Variants in AMOTL1 observed in about 807,000 individuals in gnomAD.
The protein encoded by AMOTL1 is angiomotin like 1.
In AMOTL1, 45 loss-of-function variants were observed where a neutral mutation model predicts 102.9. That is an observed-to-expected ratio of 0.44 (90% CI 0.34 to 0.56). AMOTL1 has a LOEUF of 0.56. Ranked by LOEUF, AMOTL1 falls within the 20% of genes least tolerant of loss-of-function variation. The probability of loss-of-function intolerance (pLI) is 0.01; values close to 1 mark genes in which losing one functional copy is unlikely to be tolerated. For synonymous variants in AMOTL1, 481 were observed against 484.7 expected, an observed-to-expected ratio of 0.99 and a Z score of 0.10; for missense variants, 1,114 against 1,225.6, an observed-to-expected ratio of 0.91 and a Z score of 1.36.
At chr11:94,808,838 A>G (rs1391736155) in intron 3 of AMOTL1, among the ~76,000 whole-genome samples, 1 of 152,246 alleles carries the variant, frequency 6.6e-6, no homozygotes, top group Admixed American at 6.5e-5. Context: ...CTCATTTAGA[A>G]ACATTAAAAA....
intron 1 of AMOTL1, among the ~76,000 whole-genome samples, chr11:94,772,736 G>A (rs1950972423): frequency 6.6e-6 from 1 of 152,216 alleles, no homozygotes; most frequent in African/African-American, 2.4e-5. Context: ...CCATGATTGT[G>A]ATTGCTGGAT....
At chr11:94,840,259 G>C (rs1362463155) in intron 6 of AMOTL1, among the ~76,000 whole-genome samples, 2 of 152,304 alleles carry the variant, frequency 1.3e-5, no homozygotes, top group East Asian at 3.9e-4. Flanking sequence ...GTGAATTATA[G>C]TGAGAGCCTA....
intron 3 of AMOTL1, among the ~76,000 whole-genome samples, chr11:94,802,117 G>A (rs1951489622): frequency 6.6e-6 from 1 of 152,170 alleles, no homozygotes; most frequent in African/African-American, 2.4e-5. Flanking sequence ...ATAACCAACT[G>A]TGAGATCTTG....
At chr11:94,752,973 G>A (rs917713454) in intron 3 of AMOTL1, among the ~76,000 whole-genome samples, 4 of 152,272 alleles carry the variant, frequency 2.6e-5, no homozygotes, top group African/African-American at 9.6e-5. Context: ...TGCTCTTGTG[G>A]TTGGTCAGCC....
chr11:94,843,256 A>T (rs943707797), intron 6 of AMOTL1, among the ~76,000 whole-genome samples: 3 of 152,248 alleles, frequency 2.0e-5, no homozygotes, highest in Admixed American at 6.5e-5. Context: ...GTTGTTTTGC[A>T]TCAAATAAGC....
intron 4 of AMOTL1, among the ~76,000 whole-genome samples, chr11:94,826,787 C>G (rs1039323334): frequency 4.6e-5 from 7 of 152,190 alleles, no homozygotes; most frequent in Admixed American, 2.6e-4. Context: ...TGGGGACAAA[C>G]CATATCCATA....
intron 2 of AMOTL1, among the ~76,000 whole-genome samples, chr11:94,737,865 A>C (rs1187670399): frequency 2.0e-5 from 3 of 152,246 alleles, no homozygotes; most frequent in Admixed American, 2.0e-4. Context: ...GGCTGCTTGT[A>C]AGAGCAAAAT....
chr11:94,795,927 C>T lies in AMOTL1; in HGVS notation c.199+767C>T, dbSNP rs537521596. On this transcript the variant is annotated intron_variant, in intron 2 of 12. Transcript: ENST00000433060. ...GGGAGGACTGTGTCCTCTTTACTTT[C>T]GTAACCCCAGCACCTGTCCCAATGC... Among the ~76,000 whole-genome samples, 44 of 152,300 alleles carry T rather than the reference C, an allele frequency of 2.9e-4. No homozygotes were observed. In the South Asian group the frequency reaches 6.4e-3, roughly 22 times the overall value.
intron 3 of AMOTL1, among the ~76,000 whole-genome samples, chr11:94,758,358 T>C (rs1374160138): frequency 6.6e-6 from 1 of 152,192 alleles, no homozygotes; most frequent in Non-Finnish European, 1.5e-5. Context: ...CAGTGTTTTG[T>C]TTAGCTACAT....
chr11:94,796,492 C>T (rs1201893782), intron 2 of AMOTL1, among the ~76,000 whole-genome samples: 1 of 152,044 alleles, frequency 6.6e-6, no homozygotes, highest in Non-Finnish European at 1.5e-5. Flanking sequence ...GGTCATAATG[C>T]AATATGGATT....
At chr11:94,850,308 C>T in intron 7 of AMOTL1, 49 bp downstream of exon 7, 4 of 1,525,526 alleles carry the variant, frequency 2.6e-6, no homozygotes, top group Non-Finnish European at 3.5e-6. Flanking sequence ...AAGCAGAGCC[C>T]AGAGGGCTTC....
intron 9 of AMOTL1, 73 bp from the exon 10 acceptor site, chr11:94,864,662 A>C: frequency 6.4e-7 from 1 of 1,560,322 alleles, no homozygotes; most frequent in Non-Finnish European, 8.7e-7. Flanking sequence ...CAGCCTCTCC[A>C]TTCTGTGTCT....
At chr11:94,780,667 G>A (rs1054672724) in intron 1 of AMOTL1, among the ~76,000 whole-genome samples, 3 of 152,036 alleles carry the variant, frequency 2.0e-5, no homozygotes, top group African/African-American at 7.2e-5. Context: ...AAAATTTACC[G>A]AGCACTTCCT....
At chr11:94,751,936 C>T (rs911861786) in intron 3 of AMOTL1, among the ~76,000 whole-genome samples, 12 of 151,944 alleles carry the variant, frequency 7.9e-5, no homozygotes, top group African/African-American at 2.4e-4. Context: ...TCCCCAGAAA[C>T]GATATTTCAT....
chr11:94,855,764 T>TG (rs35273381), intron 8 of AMOTL1, among the ~76,000 whole-genome samples: 39 of 152,300 alleles, frequency 2.6e-4, no homozygotes, highest in Admixed American at 5.2e-4. Flanking sequence ...AGAGGATAGT[T>TG]GGCTGTATGC....
intron 3 of AMOTL1, among the ~76,000 whole-genome samples, chr11:94,803,551 A>G (rs752605414): frequency 2.1e-4 from 32 of 152,224 alleles, no homozygotes; most frequent in Non-Finnish European, 4.4e-4. Flanking sequence ...GAATGAGGAC[A>G]AGATGGGAAT....
intron 3 of AMOTL1, among the ~76,000 whole-genome samples, chr11:94,743,078 C>G (rs1950547660): frequency 6.6e-6 from 1 of 152,180 alleles, no homozygotes; most frequent in African/African-American, 2.4e-5. Context: ...CTTCTGGGAT[C>G]TGGGCTTGCA....
intron 3 of AMOTL1, among the ~76,000 whole-genome samples, chr11:94,755,221 A>G (rs1410145582): frequency 6.6e-6 from 1 of 152,158 alleles, no homozygotes; most frequent in Non-Finnish European, 1.5e-5. Context: ...CAATATATAA[A>G]CACAGAAGAC....
chr11:94,844,025 T>C (rs905233813), intron 6 of AMOTL1, among the ~76,000 whole-genome samples: 2 of 152,196 alleles, frequency 1.3e-5, no homozygotes, highest in African/African-American at 4.8e-5. Flanking sequence ...CTATGGCCTC[T>C]TCTCTGGTAA....
Sources: allele counts gnomAD v4.1 joint callset (sites outside exome capture counted in the v4.1 genomes callset), GRCh38; gene constraint gnomAD v4.1.1; transcripts MANE v1.5; gene names NCBI Gene and HGNC (gene_info 2026-07-23, HGNC 2026-07-21).